Variants in IGHMBP2 observed in about 807,000 individuals in gnomAD.
IGHMBP2 encodes the protein immunoglobulin mu DNA binding protein 2.
IGHMBP2 carries 81 observed loss-of-function variants against 96.0 expected under a neutral mutation model. That is an observed-to-expected ratio of 0.84 (90% CI 0.71 to 1.01). IGHMBP2 has a LOEUF of 1.01. IGHMBP2 is among the 50% of genes least tolerant of loss of function. The probability of loss-of-function intolerance (pLI) is 0.00; values close to 1 mark genes in which losing one functional copy is unlikely to be tolerated. For synonymous variants in IGHMBP2, 557 were observed against 548.9 expected (o/e 1.01, Z -0.21); for missense variants, 1,227 against 1,306.3 (o/e 0.94, Z 0.94).
intron 5 of IGHMBP2, among the ~76,000 whole-genome samples, chr11:68,914,229 T>C (rs1477587552): frequency 1.3e-5 from 2 of 152,176 alleles, no homozygotes; most frequent in Non-Finnish European, 2.9e-5. Context: ...CATGGGACTA[T>C]TGAGCCGGTT....
chr11:68,932,953 T>A (rs1859371839), intron 8 of IGHMBP2: 1 of 373,918 alleles, frequency 2.7e-6, no homozygotes, highest in East Asian at 5.6e-5. Flanking sequence ...TTCAAATCTC[T>A]CCCCTCGGTG....
intron 5 of IGHMBP2, 54 bp from the exon 6 acceptor site, chr11:68,914,769 C>G: frequency 1.3e-6 from 2 of 1,586,420 alleles, no homozygotes; most frequent in Non-Finnish European, 1.7e-6. Flanking sequence ...TTAGTGTCAA[C>G]TTCAGTGGTT....
intron 6 of IGHMBP2, among the ~76,000 whole-genome samples, chr11:68,916,491 T>C (rs1858676356): frequency 6.6e-6 from 1 of 152,226 alleles, no homozygotes; most frequent in African/African-American, 2.4e-5. Flanking sequence ...GTGCTCACTG[T>C]CGGTACTGGT....
intron 7 of IGHMBP2, among the ~76,000 whole-genome samples, chr11:68,919,596 A>G (rs1858803525): frequency 6.6e-6 from 1 of 152,086 alleles, no homozygotes; most frequent in African/African-American, 2.4e-5. Context: ...GATTTTATTG[A>G]GTGTTCTGTA....
intron 7 of IGHMBP2, among the ~76,000 whole-genome samples, chr11:68,921,693 C>T (rs533623299): frequency 2.6e-5 from 4 of 152,172 alleles, no homozygotes; most frequent in East Asian, 1.9e-4. Flanking sequence ...CGTATTTGCC[C>T]GTGTAGTTAC....
At chr11:68,921,075 A>C (rs1384731106) in intron 7 of IGHMBP2, among the ~76,000 whole-genome samples, 1 of 151,036 alleles carries the variant, frequency 6.6e-6, no homozygotes, top group Non-Finnish European at 1.5e-5. Flanking sequence ...TTTTGTAGAT[A>C]GCATATAGCT....
rs1444267409 is a variant in IGHMBP2 at position 68,906,206 on chromosome 11, C to T, written c.224C>T (p.Ala75Val). The change falls in exon 2 of 15, where the codon GCG becomes GTG. Residue 75 changes from alanine to valine, a missense_variant. Physicochemically the swap from Ala to Val is moderately conservative, Grantham distance 64. Coordinates refer to ENST00000255078, the MANE Select transcript of IGHMBP2 (RefSeq NM_002180.3). ...VTFEPRRYGS[A>V]AALPSNSFTS... ...TTTGAGCCCAGGCGATACGGGTCCG[C>T]GGCAGCTCTTCCCAGTAACAGCTTT... 6 of 1,613,888 alleles carry T rather than the reference C, an allele frequency of 3.7e-6. No homozygotes were observed. The highest frequency in any genetic ancestry group is 1.1e-5 in the South Asian group (1 of 91,074).
In IGHMBP2 at chr11:68,936,522, A is replaced by T; in HGVS notation, c.2042A>T (p.Glu681Val). 9 of 1,613,342 alleles carry T rather than the reference A, an allele frequency of 5.6e-6. No individual in the cohort carries two copies. The highest frequency in any genetic ancestry group is 7.6e-6 in the Non-Finnish European group (9 of 1,179,822). Residue 681 changes from glutamate to valine, a missense_variant, in exon 13 of 15, where the codon GAG (glutamate) becomes GTG (valine). Physicochemically the swap from Glu to Val is moderately radical, Grantham distance 121 (BLOSUM62 -2). Coordinates refer to ENST00000255078, the MANE Select transcript of IGHMBP2 (RefSeq NM_002180.3). ...TSTRTGSQRQ[E>V]GGQEAAAPAR... ...ACCAGGACCGGAAGCCAGCGGCAGG[A>T]GGGAGGCCAGGAGGCTGCAGCACCT... is the stretch of plus-strand genomic sequence containing the variant.
At chr11:68,937,769 G>T (rs962989733) in intron 13 of IGHMBP2, 1 of 236,100 alleles carries the variant, frequency 4.2e-6, no homozygotes, top group Non-Finnish European at 8.5e-6. Flanking sequence ...TTCCTGAAGC[G>T]AAGCTACACC....
intron 14 of IGHMBP2, 121 bp from the exon 15 acceptor site, chr11:68,939,413 G>C: frequency 1.0e-6 from 1 of 998,638 alleles, no homozygotes; most frequent in Non-Finnish European, 1.5e-6. Context: ...GACTGACATG[G>C]CGGGAGGAGT....
At chr11:68,908,052 G>T in intron 2 of IGHMBP2, 93 bp from the exon 3 acceptor site, 7 of 1,018,166 alleles carry the variant, frequency 6.9e-6, no homozygotes, top group Non-Finnish European at 1.1e-5. Context: ...AAGTAACAAA[G>T]ATAAAATATT....
Position 68,939,784 on chromosome 11 carries a change from G to T in IGHMBP2, c.*53G>T. The T allele has an allele frequency of 1.3e-6, 2 of 1,534,004 alleles. No individual in the cohort carries two copies. The highest frequency in any genetic ancestry group is 2.0e-5 in the Admixed American group (1 of 51,250). ...AGCTCTCTCCATGGTAGCCCAGGGCGCTGGCAGACCATGCTCCGCCTCCAC... is the reference window on the plus strand; with the variant it reads ...AGCTCTCTCCATGGTAGCCCAGGGCTCTGGCAGACCATGCTCCGCCTCCAC... On this transcript the variant is annotated 3_prime_UTR_variant, in exon 15 of 15. Coordinates refer to ENST00000255078, the MANE Select transcript of IGHMBP2 (RefSeq NM_002180.3).
At position 68,939,734 on chromosome 11, in the gene IGHMBP2, G is replaced by T. The variant is rs372949830; in HGVS notation, c.*3G>T. ...GGAGGAAGGAGAGGGGGACGTGACC[G>T]GCCGCATCCTTGCACGCCCCGCGGA... On this transcript the variant is annotated 3_prime_UTR_variant, in exon 15 of 15. Coordinates refer to ENST00000255078, the MANE Select transcript of IGHMBP2 (RefSeq NM_002180.3). 1.2e-6 allele frequency: 2 copies of T among 1,605,726 alleles called. No homozygotes were observed. The highest frequency in any genetic ancestry group is 1.7e-5 in the Admixed American group (1 of 58,526).
intron 6 of IGHMBP2, 142 bp downstream of exon 6, chr11:68,915,165 C>CTTTTTTTT (rs1566430409): frequency 7.5e-6 from 2 of 265,096 alleles, no homozygotes; most frequent in Non-Finnish European, 1.3e-5. Context: ...ATTGGGCTGC[C>CTTTTTTTT]CTTTTTTTTT....
chr11:68,938,095 T>G, intron 13 of IGHMBP2, 87 bp from the exon 14 acceptor site: 1 of 1,447,434 alleles, frequency 6.9e-7, no homozygotes, highest in Admixed American at 1.7e-5. Flanking sequence ...TGAGCCACCG[T>G]GCTTAGCCAT....
intron 13 of IGHMBP2, 43 bp downstream of exon 13, chr11:68,937,134 G>C (rs1406733703): frequency 6.3e-7 from 1 of 1,595,026 alleles, no homozygotes; most frequent in Non-Finnish European, 8.5e-7. Context: ...CCCCTCACTG[G>C]GGTGCTGGCC....
In IGHMBP2 at chr11:68,935,223, C is replaced by T. The variant is rs182254640; in HGVS notation, c.1633-76C>T. On this transcript the variant is annotated intron_variant, in intron 11 of 14. Coordinates refer to ENST00000255078, the MANE Select transcript of IGHMBP2 (RefSeq NM_002180.3). ...TGGCTGTTTCACAGCGTGAGGCCCT[C>T]TGCTGAGCTGAAGGGCAGGGTCTTG... 2.7e-4 allele frequency: 424 copies of T among 1,581,956 alleles called. 4 individuals are homozygous for T. The African/African-American group carries it at 5.3e-3, about 20-fold the overall frequency.
chr11:68,937,947 T>C, intron 13 of IGHMBP2: 1 of 561,132 alleles, frequency 1.8e-6, no homozygotes, highest in East Asian at 3.2e-5. Flanking sequence ...GGAAGACACA[T>C]GAGCTGCTTT....
At chr11:68,915,685 T>C (rs1858635188) in intron 6 of IGHMBP2, among the ~76,000 whole-genome samples, 1 of 151,342 alleles carries the variant, frequency 6.6e-6, no homozygotes, top group Non-Finnish European at 1.5e-5. Context: ...GGTTTCGCCA[T>C]GTGGGCCAGG....
Sources: allele counts gnomAD v4.1 joint callset (sites outside exome capture counted in the v4.1 genomes callset), GRCh38; gene constraint gnomAD v4.1.1; transcripts MANE v1.5; gene names NCBI Gene and HGNC (gene_info 2026-07-23, HGNC 2026-07-21).